Variants in GRPR observed in about 807,000 individuals in gnomAD.
The protein encoded by GRPR is gastrin releasing peptide receptor.
Under a neutral mutation model 15.6 loss-of-function variants are expected in GRPR, and 4 were observed. The ratio of observed to expected loss-of-function variants is 0.26; its 90% confidence interval spans 0.13 to 0.59. The LOEUF (loss-of-function observed/expected upper bound fraction) is 0.59. GRPR is among the 20% of genes least tolerant of loss of function. GRPR has a pLI of 0.90. For missense variants in GRPR, 270 were observed against 304.1 expected, an observed-to-expected ratio of 0.89 and a Z score of 0.83; for synonymous variants, 128 against 126.8, an observed-to-expected ratio of 1.01 and a Z score of -0.06.
intron 1 of GRPR, among the ~76,000 whole-genome samples, chrX:16,138,352 T>C (rs1414574243): frequency 1.8e-5 from 2 of 111,863 alleles, no homozygotes; most frequent in Non-Finnish European, 3.8e-5. Flanking sequence ...TATAGATCAT[T>C]AAGAAAAGAT....
At chrX:16,147,183 G>C (rs1002271597) in intron 1 of GRPR, among the ~76,000 whole-genome samples, 3 of 111,272 alleles carry the variant, frequency 2.7e-5, no homozygotes, top group Non-Finnish European at 5.7e-5. Context: ...GCAAATACTA[G>C]ATATTATATT....
intron 1 of GRPR, among the ~76,000 whole-genome samples, chrX:16,129,386 AGCC>A (rs2147030722): frequency 8.9e-6 from 1 of 112,003 alleles, no homozygotes; most frequent in East Asian, 2.8e-4. Flanking sequence ...TCATCACACC[AGCC>A]ACACATCAAG....
chrX:16,142,688 T>C (rs1922546706), intron 1 of GRPR, among the ~76,000 whole-genome samples: 1 of 111,508 alleles, frequency 9.0e-6, no homozygotes, highest in African/African-American at 3.3e-5. Flanking sequence ...ATTACTTTCT[T>C]AAAGCTCTGT....
intron 1 of GRPR, among the ~76,000 whole-genome samples, chrX:16,137,380 A>G (rs1228528551): frequency 8.9e-6 from 1 of 111,942 alleles, no homozygotes; most frequent in Admixed American, 9.5e-5. Context: ...AGGGTTTTAA[A>G]TGGAGGTTTA....
chrX:16,150,225 C>T (rs1922674374), intron 1 of GRPR, 80 bp from the exon 2 acceptor site: 12 of 698,288 alleles, frequency 1.7e-5, no homozygotes, highest in Non-Finnish European at 2.3e-5. Context: ...CCAGGTGTCT[C>T]GCTTGCCTCA....
intron 1 of GRPR, among the ~76,000 whole-genome samples, chrX:16,149,823 TAATAAC>T (rs1279365823): frequency 9.0e-6 from 1 of 111,151 alleles, no homozygotes; most frequent in Non-Finnish European, 1.9e-5. Context: ...TGACTATAGT[TAATAAC>T]AATGTATTGC....
chrX:16,152,195 T>C, intron 2 of GRPR, 61 bp from the exon 3 acceptor site: 1 of 951,701 alleles, frequency 1.1e-6, no homozygotes, highest in Non-Finnish European at 1.5e-6. Context: ...TTTGTCTCTC[T>C]GCATTCTTCT....
chrX:16,123,626 A>G lies in GRPR; in HGVS notation c.-328A>G, dbSNP rs1922240126. On this transcript the variant is annotated 5_prime_UTR_variant, in exon 1 of 3. Transcript: ENST00000380289. ...CAAAAGTTCTTAGTAAACTGCAGCC[A>G]GGGAGACTCAGACTAGAATGGAGGT... 4.6e-6 allele frequency: 1 copy of G among 216,782 alleles called. No individual in the cohort carries two copies. The highest frequency in any genetic ancestry group is 8.3e-6 in the Non-Finnish European group (1 of 120,113). 17.9% of individuals were successfully genotyped at this position (216,782 alleles called of 1,213,427 possible).
At chrX:16,133,781 T>C (rs1055825532) in intron 1 of GRPR, among the ~76,000 whole-genome samples, 3 of 111,984 alleles carry the variant, frequency 2.7e-5, no homozygotes, top group African/African-American at 9.7e-5. Context: ...GGACTGATTT[T>C]AAGATTTTTC....
intron 2 of GRPR, among the ~76,000 whole-genome samples, chrX:16,150,936 A>T (rs1031244670): frequency 4.4e-5 from 5 of 112,552 alleles, no homozygotes; most frequent in Admixed American, 1.9e-4. Flanking sequence ...TTGTATTTTT[A>T]AAATAAATAA....
Position 16,124,182 on chromosome X carries a change from C to A in GRPR, c.229C>A (p.Leu77Met). The change falls in exon 1 of 3, where the codon CTG (leucine) becomes ATG (methionine). Residue 77 changes from leucine (L) to methionine (M), a missense_variant. Physicochemically the swap from Leu to Met is conservative, Grantham distance 15. Transcript: ENST00000380289. ...CAAGTCCATGCGAAACGTTCCAAAC[C>A]TGTTCATTTCCAGTCTGGCTTTGGG... The part of the protein sequence containing the change: ...TVKSMRNVPN[L>M]FISSLALGDL... 1.7e-6 allele frequency: 2 copies of A among 1,210,536 alleles called. No individual in the cohort carries two copies. The highest frequency in any genetic ancestry group is 5.9e-5 in the East Asian group (2 of 33,853).
intron 1 of GRPR, among the ~76,000 whole-genome samples, chrX:16,126,628 T>C (rs911958328): frequency 2.3e-4 from 26 of 112,240 alleles, no homozygotes; most frequent in Non-Finnish European, 7.5e-5. Flanking sequence ...CAATCACTAT[T>C]CTGATTCCAA....
At chrX:16,134,238 C>T (rs1224998728) in intron 1 of GRPR, among the ~76,000 whole-genome samples, 4 of 111,592 alleles carry the variant, frequency 3.6e-5, no homozygotes, top group Admixed American at 9.5e-5. Flanking sequence ...TTCTCTAATC[C>T]TTTCTTCAGT....
chrX:16,127,660 AT>A (rs751628719), intron 1 of GRPR, among the ~76,000 whole-genome samples: 2 of 111,643 alleles, frequency 1.8e-5, no homozygotes, highest in African/African-American at 6.5e-5. Context: ...CATTTTAGAC[AT>A]TTTCCTGCCA....
At chrX:16,142,806 T>C (rs771064739) in intron 1 of GRPR, among the ~76,000 whole-genome samples, 1 of 109,974 alleles carries the variant, frequency 9.1e-6, no homozygotes, top group African/African-American at 3.3e-5. Context: ...GGCATCCGAG[T>C]AGACTGACAA....
Position 16,124,272 on chromosome X carries a change from C to A in GRPR, c.319C>A (p.Leu107Ile). Residue 107 changes from leucine (L) to isoleucine (I), a missense_variant, in exon 1 of 3, where the codon CTA (leucine) becomes ATA (isoleucine). This residue lies in a region of GRPR where 115 missense variants were observed against 128.8 expected (regional missense o/e 0.89). Coordinates refer to ENST00000380289, the MANE Select transcript of GRPR (RefSeq NM_005314.3). ...DASRYLADRW[L>I]FGRIGCKLIP... The stretch of plus-strand genomic sequence containing the variant: ...CAGCAGGTACCTGGCTGACAGATGG[C>A]TATTTGGCAGGATTGGCTGCAAACT... 8.3e-7 allele frequency: 1 copy of A among 1,209,179 alleles called. No individual in the cohort carries two copies.
chrX:16,137,229 A>T (rs1170937036), intron 1 of GRPR, among the ~76,000 whole-genome samples: 1 of 112,019 alleles, frequency 8.9e-6, no homozygotes, highest in Non-Finnish European at 1.9e-5. Context: ...CTGTTTTTAG[A>T]TGGTGAAATG....
intron 1 of GRPR, among the ~76,000 whole-genome samples, chrX:16,130,699 A>G (rs776529932): frequency 2.0e-4 from 22 of 112,769 alleles, no homozygotes; most frequent in African/African-American, 6.7e-4. Flanking sequence ...CTTTCTCACA[A>G]GAGAAGACTT....
intron 1 of GRPR, among the ~76,000 whole-genome samples, chrX:16,142,995 C>CT (rs1351623711): frequency 9.1e-6 from 1 of 110,210 alleles, no homozygotes; most frequent in Admixed American, 9.7e-5. Flanking sequence ...TCTCTTGTTC[C>CT]TTTTTTTTCT....
Sources: allele counts gnomAD v4.1 joint callset (sites outside exome capture counted in the v4.1 genomes callset), GRCh38; gene constraint gnomAD v4.1.1; regional missense constraint gnomAD v4.1.1; transcripts MANE v1.5; gene names NCBI Gene and HGNC (gene_info 2026-07-23, HGNC 2026-07-21).